Variants in DLG2 observed in about 807,000 individuals in gnomAD.
DLG2 encodes disks large homolog 2.
A neutral mutation model predicts 132.5 loss-of-function variants in DLG2; 45 were observed. The ratio of observed to expected loss-of-function variants is 0.34; its 90% CI spans 0.27 to 0.44. DLG2 has a LOEUF of 0.44. DLG2 is among the 20% of genes least tolerant of loss of function. DLG2 has a pLI of 1.00. For missense variants in DLG2, 1,045 were observed against 1,196.9 expected, an observed-to-expected ratio of 0.87 and a Z score of 1.87; for synonymous variants, 424 against 419.6, an observed-to-expected ratio of 1.01 and a Z score of -0.13.
intron 6 of DLG2, among the ~76,000 whole-genome samples, chr11:84,950,859 A>G (rs958619406): frequency 6.6e-6 from 1 of 151,700 alleles, no homozygotes; most frequent in Admixed American, 6.6e-5. Flanking sequence ...ATTTGGCTAG[A>G]AAAAAAAACT....
chr11:84,621,911 C>T (rs1186732060), intron 6 of DLG2, among the ~76,000 whole-genome samples: 1 of 152,128 alleles, frequency 6.6e-6, no homozygotes, highest in Non-Finnish European at 1.5e-5. Flanking sequence ...ACAATTCTAC[C>T]TACCCAGGAC....
At chr11:84,619,757 A>T (rs2099610707) in intron 6 of DLG2, among the ~76,000 whole-genome samples, 1 of 151,736 alleles carries the variant, frequency 6.6e-6, no homozygotes, top group Non-Finnish European at 1.5e-5. Flanking sequence ...GCTTTTTTTA[A>T]ATGTAAAATA....
chr11:84,004,031 A>G (rs1324934433), intron 11 of DLG2, among the ~76,000 whole-genome samples: 1 of 151,992 alleles, frequency 6.6e-6, no homozygotes, highest in Non-Finnish European at 1.5e-5. Flanking sequence ...ACTAAAACCA[A>G]TCCTCCTCAA....
chr11:84,838,143 T>C (rs553744459), intron 6 of DLG2, among the ~76,000 whole-genome samples: 17 of 152,106 alleles, frequency 1.1e-4, no homozygotes, highest in African/African-American at 3.9e-4. Context: ...AGACATCTGA[T>C]ATTTAATTTC....
chr11:85,353,825 C>T (rs868250742), intron 3 of DLG2, among the ~76,000 whole-genome samples: 1 of 151,992 alleles, frequency 6.6e-6, no homozygotes, highest in African/African-American at 2.4e-5. Context: ...ACATCACACA[C>T]TGGAGCCTGT....
chr11:83,493,277 AG>A (rs1275063314), intron 21 of DLG2, among the ~76,000 whole-genome samples: 2 of 151,878 alleles, frequency 1.3e-5, no homozygotes, highest in Non-Finnish European at 2.9e-5. Flanking sequence ...TTTTTCTGAC[AG>A]GCCTGTCTAA....
chr11:85,490,246 C>G (rs955905505), intron 3 of DLG2, among the ~76,000 whole-genome samples: 1 of 151,818 alleles, frequency 6.6e-6, no homozygotes, highest in African/African-American at 2.4e-5. Context: ...CACAAACATA[C>G]CAAACCCTGT....
intron 18 of DLG2, among the ~76,000 whole-genome samples, chr11:83,780,846 C>T (rs2094787726): frequency 6.6e-6 from 1 of 152,188 alleles, no homozygotes; most frequent in Admixed American, 6.5e-5. Context: ...TCTAGTGATG[C>T]AGCCTCATGT....
At chr11:85,359,037 C>G (rs987589060) in intron 3 of DLG2, among the ~76,000 whole-genome samples, 2 of 152,140 alleles carry the variant, frequency 1.3e-5, no homozygotes, top group Non-Finnish European at 2.9e-5. Flanking sequence ...TCCAGGAATG[C>G]AATTTCAGCA....
At chr11:84,991,353 A>G (rs1391719081) in intron 6 of DLG2, among the ~76,000 whole-genome samples, 3 of 151,980 alleles carry the variant, frequency 2.0e-5, no homozygotes, top group African/African-American at 7.2e-5. Flanking sequence ...TACAAACAAT[A>G]TAAAAATGAG....
intron 16 of DLG2, among the ~76,000 whole-genome samples, chr11:83,850,123 A>AGTGTGTGTGTGTGTGT (rs544279195): frequency 1.2e-3 from 45 of 39,104 alleles, no homozygotes; most frequent in African/African-American, 2.2e-3. Context: ...ATTTGGGGTA[A>AGTGTGTGTGTGTGTGT]GTGTGTGTGT....
At chr11:85,588,307 C>A (rs1373475463) in intron 3 of DLG2, among the ~76,000 whole-genome samples, 1 of 152,176 alleles carries the variant, frequency 6.6e-6, no homozygotes, top group Non-Finnish European at 1.5e-5. Flanking sequence ...GATTTATCTT[C>A]TTCCTCAGGA....
chr11:85,289,716 A>T (rs1262097748), intron 3 of DLG2, among the ~76,000 whole-genome samples: 2 of 152,148 alleles, frequency 1.3e-5, no homozygotes, highest in Non-Finnish European at 2.9e-5. Flanking sequence ...CCTATATTTA[A>T]CGATGTTGCA....
chr11:84,991,618 T>C (rs1429404100), intron 6 of DLG2, among the ~76,000 whole-genome samples: 1 of 151,700 alleles, frequency 6.6e-6, no homozygotes, highest in Admixed American at 6.6e-5. Flanking sequence ...GGTATTGCTA[T>C]AAAAGGACAA....
rs1430892902 is a variant in DLG2, at chr11:85,551,214, AT to A, written c.40+47442del. On this transcript the variant is annotated intron_variant, in intron 3 of 27. Coordinates refer to ENST00000376104, the MANE Select transcript of DLG2 (RefSeq NM_001142699.3). ...TCTATATACTGAGTAGATAGTATAC[AT>A]ACTTCAAAGGTCAATTTGTATTAGG... 8.6e-3 allele frequency among the ~76,000 whole-genome samples: 1,308 copies of A among 152,320 alleles called. 11 individuals carry two copies. The highest frequency in any genetic ancestry group is 0.03 in the African/African-American group (1,233 of 41,572).
chr11:84,543,824 A>G (rs576624103), intron 6 of DLG2, among the ~76,000 whole-genome samples: 2 of 152,344 alleles, frequency 1.3e-5, no homozygotes, highest in South Asian at 4.1e-4. Context: ...TTTTTTAAAC[A>G]AAACTCAAAA....
chr11:84,548,523 C>G (rs944808519), intron 6 of DLG2, among the ~76,000 whole-genome samples: 1 of 149,190 alleles, frequency 6.7e-6, no homozygotes, highest in Non-Finnish European at 1.5e-5. Context: ...TGAGTAAGAA[C>G]ATGCGGTGTT....
At chr11:83,721,065 G>T (rs1393868609) in intron 18 of DLG2, 1 of 152,146 alleles carries the variant, frequency 6.6e-6, no homozygotes, top group African/African-American at 2.4e-5. Flanking sequence ...ATGAGGCTCA[G>T]AATTTAATGA....
rs3793951 is a variant in DLG2, at chr11:83,865,103, C to T, written c.1565+9317G>A. Among the ~76,000 whole-genome samples the T allele has an allele frequency of 5.3e-5, 8 of 152,278 alleles. No individual in the cohort carries two copies. In the East Asian group the frequency reaches 7.7e-4, roughly 15 times the overall value. Reference sequence around the variant, plus strand: ...AGCCACCAGAAAACCCCTCTGACCACGACTTTTGTCTAGACTTATTTTCAT... The same window carrying T: ...AGCCACCAGAAAACCCCTCTGACCATGACTTTTGTCTAGACTTATTTTCAT... On this transcript the variant is annotated intron_variant, in intron 16 of 27. Coordinates refer to ENST00000376104, the MANE Select transcript of DLG2 (RefSeq NM_001142699.3).
Sources: gnomAD v4.1 joint callset for allele counts (sites outside exome capture counted in the v4.1 genomes callset) on GRCh38, gnomAD v4.1.1 for gene constraint, MANE v1.5 for transcripts, NCBI Gene and HGNC (gene_info 2026-07-23, HGNC 2026-07-21) for gene names.